Variants in PPARGC1A observed in about 807,000 individuals in gnomAD.
The protein encoded by PPARGC1A is peroxisome proliferator-activated receptor gamma coactivator 1-alpha.
In PPARGC1A, 25 loss-of-function variants were observed where a neutral mutation model predicts 88.7. The ratio of observed to expected loss-of-function variants is 0.28; its 90% CI spans 0.21 to 0.39. PPARGC1A has a LOEUF of 0.39. Ranked by LOEUF, PPARGC1A falls within the 10% of genes least tolerant of loss-of-function variation. The pLI is 1.00. For missense variants in PPARGC1A, 880 were observed against 968.7 expected, an observed-to-expected ratio of 0.91 and a Z score of 1.22; for synonymous variants, 363 against 355.6, an observed-to-expected ratio of 1.02 and a Z score of -0.24.
the PPARGC1A span, among the ~76,000 whole-genome samples, chr4:23,971,524 G>A: frequency 6.6e-6 from 1 of 152,196 alleles, no homozygotes; most frequent in Admixed American, 6.5e-5. Flanking sequence ...AAGCCAGTTT[G>A]AGTCCCAGAA....
At chr4:23,895,799 C>A (rs965131474) in intron 1 of PPARGC1A, among the ~76,000 whole-genome samples, 4 of 151,916 alleles carry the variant, frequency 2.6e-5, no homozygotes, top group African/African-American at 9.7e-5. Context: ...AGAAATTCAT[C>A]CTAAGGCAAT....
the PPARGC1A span, among the ~76,000 whole-genome samples, chr4:23,987,358 C>T: frequency 2.0e-5 from 3 of 151,940 alleles, no homozygotes; most frequent in East Asian, 5.8e-4. Flanking sequence ...TATTGTAAAT[C>T]ACATTAACAC....
chr4:23,798,950 C>G (rs1159753622), intron 12 of PPARGC1A, among the ~76,000 whole-genome samples: 6 of 152,034 alleles, frequency 3.9e-5, no homozygotes. Flanking sequence ...TATCTAGTTT[C>G]AGTAGTAGAG....
chr4:24,128,787 T>G, the PPARGC1A span, among the ~76,000 whole-genome samples: 1 of 152,144 alleles, frequency 6.6e-6, no homozygotes, highest in Non-Finnish European at 1.5e-5. Flanking sequence ...GTGAGAGCCT[T>G]GATAACTTCC....
At chr4:24,414,959 G>A in the PPARGC1A span, among the ~76,000 whole-genome samples, 2 of 152,122 alleles carry the variant, frequency 1.3e-5, no homozygotes, top group Non-Finnish European at 1.5e-5. Context: ...GGAGGCCGAG[G>A]CAGGTGGATC....
chr4:24,103,128 A>ATC, the PPARGC1A span, among the ~76,000 whole-genome samples: 678 of 152,222 alleles, frequency 4.5e-3, 6 homozygotes, highest in African/African-American at 0.016. Flanking sequence ...TGATATCACC[A>ATC]TCATTCCCAT....
chr4:24,272,532 T>C, the PPARGC1A span, among the ~76,000 whole-genome samples: 1 of 152,228 alleles, frequency 6.6e-6, no homozygotes, highest in Non-Finnish European at 1.5e-5. Context: ...AAAAATCTTG[T>C]GTGAAATTCA....
the PPARGC1A span, among the ~76,000 whole-genome samples, chr4:24,097,423 T>TA: frequency 6.6e-6 from 1 of 152,314 alleles, no homozygotes; most frequent in East Asian, 1.9e-4. Context: ...TATGAGTCCC[T>TA]ACTGCCCACG....
chr4:23,802,939 T>C (rs930066123), intron 10 of PPARGC1A, among the ~76,000 whole-genome samples: 1 of 152,170 alleles, frequency 6.6e-6, no homozygotes, highest in Non-Finnish European at 1.5e-5. Flanking sequence ...CTTGATGTGT[T>C]AGAAAAGAAA....
the PPARGC1A span, among the ~76,000 whole-genome samples, chr4:24,365,795 T>C: frequency 6.6e-6 from 1 of 152,344 alleles, no homozygotes; most frequent in Non-Finnish European, 1.5e-5. Flanking sequence ...TTTCTTCTTA[T>C]ACATTTTGTT....
At chr4:24,000,163 T>G in the PPARGC1A span, among the ~76,000 whole-genome samples, 3 of 152,130 alleles carry the variant, frequency 2.0e-5, no homozygotes, top group Admixed American at 1.3e-4. Flanking sequence ...ATGACAACAA[T>G]GTCTTCCACA....
the PPARGC1A span, among the ~76,000 whole-genome samples, chr4:24,411,454 G>A: frequency 6.6e-6 from 1 of 152,182 alleles, no homozygotes; most frequent in Non-Finnish European, 1.5e-5. Context: ...GGTGCAGCCT[G>A]CCCTACTATC....
the PPARGC1A span, among the ~76,000 whole-genome samples, chr4:24,044,822 A>T: frequency 6.6e-6 from 1 of 152,194 alleles, no homozygotes; most frequent in African/African-American, 2.4e-5. Context: ...ACCCAAAGAA[A>T]CATTTTAAGT....
the PPARGC1A span, among the ~76,000 whole-genome samples, chr4:24,464,943 C>T: frequency 2.6e-5 from 4 of 152,196 alleles, no homozygotes; most frequent in African/African-American, 7.2e-5. Flanking sequence ...CTACACCGAA[C>T]AAATGCATAA....
chr4:23,993,287 T>C, the PPARGC1A span, among the ~76,000 whole-genome samples: 1 of 152,124 alleles, frequency 6.6e-6, no homozygotes, highest in Admixed American at 6.6e-5. Context: ...CACTGAATCA[T>C]AATGTCAGAC....
chr4:24,198,998 C>A, the PPARGC1A span, among the ~76,000 whole-genome samples: 1 of 152,208 alleles, frequency 6.6e-6, no homozygotes, highest in African/African-American at 2.4e-5. Flanking sequence ...TAAGGCAGGA[C>A]AGATCAGCAT....
At chr4:23,891,124 A>C (rs1717795666), upstream of PPARGC1A, among the ~76,000 whole-genome samples, 1 of 152,160 alleles carries the variant, frequency 6.6e-6, no homozygotes, top group Non-Finnish European at 1.5e-5. Context: ...ATGAGGGCTA[A>C]TGCAGGTAGG....
the PPARGC1A span, among the ~76,000 whole-genome samples, chr4:24,176,060 G>A: frequency 1.3e-5 from 2 of 152,118 alleles, no homozygotes; most frequent in African/African-American, 4.8e-5. Flanking sequence ...GGATCACTGG[G>A]CTGGGTTGCC....
the PPARGC1A span, among the ~76,000 whole-genome samples, chr4:24,453,579 C>G: frequency 2.2e-3 from 341 of 152,234 alleles, 1 homozygote; most frequent in African/African-American, 8.0e-3. Flanking sequence ...CAGGAGTTGG[C>G]AACCAGCCTG....
Sources: allele counts gnomAD v4.1 joint callset (sites outside exome capture counted in the v4.1 genomes callset), GRCh38; gene constraint gnomAD v4.1.1; transcripts MANE v1.5; gene names NCBI Gene and HGNC (gene_info 2026-07-23, HGNC 2026-07-21).